The following COX7B2 variants were observed in gnomAD, a reference collection of about 807,000 sequenced individuals.
COX7B2 encodes the protein cytochrome c oxidase subunit 7B2.
For missense variants in COX7B2, 109 were observed against 95.9 expected (o/e 1.14, Z -0.57); for synonymous variants, 37 against 32.1 (o/e 1.15, Z -0.51).
At chr4:46,735,766 T>C (rs1714326818) in intron 2 of COX7B2, among the ~76,000 whole-genome samples, 1 of 152,190 alleles carries the variant, frequency 6.6e-6, no homozygotes, top group African/African-American at 2.4e-5. Flanking sequence ...CATATCTCAC[T>C]AAGTTGAATA....
intron 2 of COX7B2, among the ~76,000 whole-genome samples, chr4:46,836,332 G>A (rs530420797): frequency 8.6e-5 from 13 of 151,408 alleles, no homozygotes; most frequent in Admixed American, 2.6e-4. Flanking sequence ...TATTCTATAC[G>A]TTTTTTTCTC....
intron 2 of COX7B2, among the ~76,000 whole-genome samples, chr4:46,783,053 T>C (rs183837237): frequency 1.4e-4 from 22 of 152,360 alleles, no homozygotes; most frequent in Non-Finnish European, 2.5e-4. Flanking sequence ...TAATGCTAAA[T>C]GATAACCACA....
At chr4:46,735,918 T>C (rs193028967) in intron 2 of COX7B2, among the ~76,000 whole-genome samples, 190 of 152,106 alleles carry the variant, frequency 1.2e-3, no homozygotes, top group Non-Finnish European at 2.2e-3. Flanking sequence ...ACATTGAGAG[T>C]TCCCATGTAC....
intron 2 of COX7B2, among the ~76,000 whole-genome samples, chr4:46,815,600 C>T (rs1719511051): frequency 6.6e-6 from 1 of 151,900 alleles, no homozygotes; most frequent in Non-Finnish European, 1.5e-5. Flanking sequence ...CTGTATTCTC[C>T]TACAGCTGCA....
At chr4:46,875,383 A>G (rs1448106996) in intron 1 of COX7B2, among the ~76,000 whole-genome samples, 1 of 152,140 alleles carries the variant, frequency 6.6e-6, no homozygotes, top group African/African-American at 2.4e-5. Flanking sequence ...TTCATACTGT[A>G]TTCTCAGTTG....
intron 1 of COX7B2, among the ~76,000 whole-genome samples, chr4:46,862,298 C>T (rs1391940389): frequency 6.6e-6 from 1 of 152,328 alleles, no homozygotes; most frequent in East Asian, 1.9e-4. Flanking sequence ...ATGGACAGGT[C>T]TCAATCTTTG....
At chr4:46,756,977 C>G (rs1260831735) in intron 2 of COX7B2, among the ~76,000 whole-genome samples, 1 of 151,994 alleles carries the variant, frequency 6.6e-6, no homozygotes, top group African/African-American at 2.4e-5. Flanking sequence ...TAAAAAGATA[C>G]CTACATCTGT....
At chr4:46,739,559 C>T (rs116722776) in intron 2 of COX7B2, among the ~76,000 whole-genome samples, 1,718 of 152,144 alleles carry the variant, frequency 0.011, 20 homozygotes, top group Middle Eastern at 0.037. Context: ...AGGCTAGAAA[C>T]TAGCACAGGG....
chr4:46,813,688 A>T (rs1328724347), intron 2 of COX7B2, among the ~76,000 whole-genome samples: 2 of 152,180 alleles, frequency 1.3e-5, no homozygotes, highest in African/African-American at 4.8e-5. Context: ...AAATCTGCAC[A>T]TTCTGCATGT....
intron 2 of COX7B2, among the ~76,000 whole-genome samples, chr4:46,809,113 T>C (rs1452583375): frequency 4.6e-5 from 7 of 151,984 alleles, no homozygotes; most frequent in African/African-American, 1.7e-4. Flanking sequence ...ATTTAATTGT[T>C]CGTAATAGTT....
At chr4:46,746,541 A>G in intron 2 of COX7B2, among the ~76,000 whole-genome samples, 1 of 134,458 alleles carries the variant, frequency 7.4e-6, no homozygotes, top group East Asian at 2.5e-4. Flanking sequence ...CATTGAAAGT[A>G]CAGTGGAAAC....
At chr4:46,851,423 A>C (rs1359418993) in intron 1 of COX7B2, among the ~76,000 whole-genome samples, 1 of 152,106 alleles carries the variant, frequency 6.6e-6, no homozygotes, top group Non-Finnish European at 1.5e-5. Context: ...TTTTGAAGTA[A>C]TTTAGACATA....
chr4:46,901,294 C>T (rs528038262), intron 1 of COX7B2, among the ~76,000 whole-genome samples: 2 of 152,268 alleles, frequency 1.3e-5, no homozygotes, highest in Admixed American at 1.3e-4. Context: ...GACTTGATTC[C>T]CACCTCAGCT....
At chr4:46,752,911 T>A (rs958326607) in intron 2 of COX7B2, among the ~76,000 whole-genome samples, 8 of 152,176 alleles carry the variant, frequency 5.3e-5, no homozygotes, top group Non-Finnish European at 1.2e-4. Flanking sequence ...GGCTTTGGTA[T>A]CAGGATGATG....
rs183554411 is a variant in COX7B2 at position 46,792,566 on chromosome 4, C to T, written c.-50+52394G>A. Among the ~76,000 whole-genome samples the T allele has an allele frequency of 1.3e-3, 191 of 152,306 alleles. 1 individual carries two copies. Among genetic ancestry groups the T allele is most frequent in the African/African-American group, 4.2e-3 (176 of 41,578 alleles). Reference sequence around the variant, plus strand: ...GCCCCGGGACTGAGGCTTACACTATCGGTGCTCCTAGTTCTCAGACATTCA... The same window carrying T: ...GCCCCGGGACTGAGGCTTACACTATTGGTGCTCCTAGTTCTCAGACATTCA... On this transcript the variant is annotated intron_variant, in intron 2 of 2. Coordinates refer to ENST00000355591, the MANE Select transcript of COX7B2 (RefSeq NM_130902.3).
At chr4:46,907,929 C>T (rs1157279918) in intron 1 of COX7B2, among the ~76,000 whole-genome samples, 1 of 143,592 alleles carries the variant, frequency 7.0e-6, no homozygotes, top group Non-Finnish European at 1.5e-5. Context: ...TCTCAGCTCA[C>T]TGCAACCTCC....
chr4:46,824,248 A>C (rs1394134804), intron 2 of COX7B2, among the ~76,000 whole-genome samples: 1 of 152,300 alleles, frequency 6.6e-6, no homozygotes, highest in African/African-American at 2.4e-5. Context: ...TACAAAGAAA[A>C]GTTGATACCA....
chr4:46,892,642 T>C (rs966171665), intron 1 of COX7B2, among the ~76,000 whole-genome samples: 8 of 152,096 alleles, frequency 5.3e-5, no homozygotes, highest in Non-Finnish European at 7.4e-5. Context: ...CAGAAAAAAA[T>C]GACTCCTTAT....
intron 2 of COX7B2, among the ~76,000 whole-genome samples, chr4:46,785,310 TA>T (rs1192600425): frequency 1.3e-5 from 2 of 150,758 alleles, no homozygotes; most frequent in Non-Finnish European, 3.0e-5. Context: ...CTGCTTTCAT[TA>T]AAAAAAACTC....
Sources: gnomAD v4.1 joint callset for allele counts (sites outside exome capture counted in the v4.1 genomes callset) on GRCh38, gnomAD v4.1.1 for gene constraint, MANE v1.5 for transcripts, NCBI Gene and HGNC (gene_info 2026-07-23, HGNC 2026-07-21) for gene names.